The following SPARC variants were observed in gnomAD, a reference collection of about 807,000 sequenced individuals.
The protein encoded by SPARC is secreted protein acidic and cysteine rich.
SPARC carries 23 observed loss-of-function variants against 37.7 expected under a neutral mutation model. The observed-to-expected ratio is 0.61, with a 90% CI of 0.44 to 0.87. The LOEUF (loss-of-function observed/expected upper bound fraction) is 0.87. Ranked by LOEUF, SPARC falls within the 40% of genes least tolerant of loss-of-function variation. The pLI, the probability that SPARC is intolerant of heterozygous loss-of-function variation, is 0.00. For synonymous variants in SPARC, 155 were observed against 150.8 expected (o/e 1.03, Z -0.20); for missense variants, 312 against 389.0 (o/e 0.80, Z 1.66).
chr5:151,685,191 C>T (rs928425314), intron 1 of SPARC: 1 of 152,192 alleles, frequency 6.6e-6, no homozygotes, highest in African/African-American at 2.4e-5. Context: ...CTCCCTCCCC[C>T]TCTTTGCTCT....
At chr5:151,683,738 C>T (rs1169886965) in intron 1 of SPARC, among the ~76,000 whole-genome samples, 3 of 152,120 alleles carry the variant, frequency 2.0e-5, no homozygotes, top group African/African-American at 4.8e-5. Flanking sequence ...CTGTAATAGG[C>T]GAGGGTCAGA....
chr5:151,676,785 T>TC (rs1426357812), intron 1 of SPARC, among the ~76,000 whole-genome samples: 1 of 152,148 alleles, frequency 6.6e-6, no homozygotes, highest in African/African-American at 2.4e-5. Context: ...TGTCGCCTCC[T>TC]CCCCCTCCTT....
Position 151,662,468 on chromosome 5 carries a change from G to A in SPARC, c.*1103C>T, listed in dbSNP as rs1059829. 0.45 allele frequency: 68,613 copies of A among 152,454 alleles called. 16,283 individuals carry two copies. Among genetic ancestry groups the A allele is most frequent in the Admixed American group, 0.55 (8,364 of 15,286 alleles). 9.4% of individuals were successfully genotyped at this position (152,454 alleles called of 1,614,324 possible). ...CTAAGTCATTACTTTTTATTTTGAAGGATTTGTGAAACTCTTCACATCATG... is the reference window on the plus strand; with the variant it reads ...CTAAGTCATTACTTTTTATTTTGAAAGATTTGTGAAACTCTTCACATCATG... On this transcript the variant is annotated 3_prime_UTR_variant, in exon 10 of 10. Transcript: ENST00000231061.
chr5:151,670,223 T>C (rs183253338), intron 5 of SPARC, among the ~76,000 whole-genome samples: 1 of 152,234 alleles, frequency 6.6e-6, no homozygotes. Context: ...CTCTGCACTG[T>C]TGTAAATCTT....
chr5:151,676,303 G>T, intron 1 of SPARC, 102 bp from the exon 2 acceptor site: 1 of 757,416 alleles, frequency 1.3e-6, no homozygotes, highest in South Asian at 1.7e-5. Flanking sequence ...GATGGTACAA[G>T]TTAAATGATA....
intron 1 of SPARC, among the ~76,000 whole-genome samples, chr5:151,683,752 T>C (rs1476213115): frequency 6.6e-6 from 1 of 152,216 alleles, no homozygotes; most frequent in Non-Finnish European, 1.5e-5. Flanking sequence ...GGTCAGAATT[T>C]TCACATTCAT....
chr5:151,686,185 A>G (rs1285118569), intron 1 of SPARC, among the ~76,000 whole-genome samples: 1 of 152,192 alleles, frequency 6.6e-6, no homozygotes, highest in African/African-American at 2.4e-5. Flanking sequence ...TGTGTTTACC[A>G]TCCCAAGGAA....
At chr5:151,676,016 C>T in intron 2 of SPARC, 116 bp downstream of exon 2, 1 of 773,782 alleles carries the variant, frequency 1.3e-6, no homozygotes, top group Non-Finnish European at 2.1e-6. Flanking sequence ...AAAAAGACCA[C>T]TAACTTGAAA....
chr5:151,668,594 T>G (rs939791576), intron 6 of SPARC, among the ~76,000 whole-genome samples: 1 of 152,152 alleles, frequency 6.6e-6, no homozygotes, highest in Non-Finnish European at 1.5e-5. Context: ...TCCCTCATCA[T>G]TGAACCAGGG....
intron 5 of SPARC, among the ~76,000 whole-genome samples, chr5:151,670,413 G>A (rs901735040): frequency 1.3e-5 from 2 of 152,178 alleles, no homozygotes; most frequent in African/African-American, 4.8e-5. Flanking sequence ...GAACTTCCCT[G>A]GAAAGAAACA....
chr5:151,670,928 G>A (rs1760734709), intron 5 of SPARC, among the ~76,000 whole-genome samples: 1 of 152,176 alleles, frequency 6.6e-6, no homozygotes, highest in Admixed American at 6.5e-5. Flanking sequence ...TGTAGGAATA[G>A]TGCTGGCCCT....
intron 1 of SPARC, among the ~76,000 whole-genome samples, chr5:151,683,090 TGGGAGGGAGGGA>T (rs922705654): frequency 1.5e-5 from 1 of 68,804 alleles, no homozygotes; most frequent in Non-Finnish European, 2.8e-5. Flanking sequence ...GGATTGAGGT[TGGGAGGGAGGGA>T]GGGAGGGAGG....
At chr5:151,667,366 G>T in intron 7 of SPARC, 101 bp downstream of exon 7, 1 of 1,360,178 alleles carries the variant, frequency 7.4e-7, no homozygotes, top group Non-Finnish European at 1.0e-6. Context: ...GTAAATGCAC[G>T]CTCCGGAGCA....
Position 151,664,255 on chromosome 5 carries a change from G to T in SPARC, c.735-20C>A. ...AGGTACCTGCAGGGAAGGAGGCAGGGGAGGGCCTGAGGCATGGAAAAGCTC... is the reference window on the plus strand; with the variant it reads ...AGGTACCTGCAGGGAAGGAGGCAGGTGAGGGCCTGAGGCATGGAAAAGCTC... On this transcript the variant is annotated intron_variant, in intron 8 of 9. Coordinates refer to ENST00000231061, the MANE Select transcript of SPARC (RefSeq NM_003118.4). 6.2e-7 allele frequency: 1 copy of T among 1,610,090 alleles called. No homozygotes were observed. Among genetic ancestry groups the T allele is most frequent in the South Asian group, 1.1e-5 (1 of 90,748 alleles).
intron 1 of SPARC, among the ~76,000 whole-genome samples, chr5:151,678,415 A>T (rs923258252): frequency 3.9e-5 from 6 of 151,948 alleles, no homozygotes; most frequent in Admixed American, 6.6e-5. Flanking sequence ...TGCCACCCCC[A>T]TCCCTGCTGT....
intron 8 of SPARC, among the ~76,000 whole-genome samples, chr5:151,665,255 A>G (rs2113083454): frequency 6.6e-6 from 1 of 152,280 alleles, no homozygotes. Context: ...GCCTCCCTCC[A>G]GGCCCTCTGT....
At chr5:151,671,138 G>A (rs976716460) in intron 5 of SPARC, among the ~76,000 whole-genome samples, 1 of 152,300 alleles carries the variant, frequency 6.6e-6, no homozygotes, top group Admixed American at 6.5e-5. Flanking sequence ...ACAGATCTAT[G>A]AGTTAAGGAC....
chr5:151,685,614 A>G (rs960867402), intron 1 of SPARC, among the ~76,000 whole-genome samples: 50 of 152,294 alleles, frequency 3.3e-4, no homozygotes, highest in Non-Finnish European at 4.4e-4. Flanking sequence ...CAGATGGGGC[A>G]CTAAATCCAG....
At chr5:151,686,077 T>C (rs749345827) in intron 1 of SPARC, 3 of 152,222 alleles carry the variant, frequency 2.0e-5, no homozygotes, top group Non-Finnish European at 4.4e-5. Flanking sequence ...TCTGAGAATA[T>C]CTCCCCCAGC....
Sources: allele counts gnomAD v4.1 joint callset (sites outside exome capture counted in the v4.1 genomes callset), GRCh38; gene constraint gnomAD v4.1.1; transcripts MANE v1.5; gene names NCBI Gene and HGNC (gene_info 2026-07-23, HGNC 2026-07-21).